Variants in RAB7A observed in about 807,000 individuals in gnomAD.
RAB7A encodes RAB7A, member RAS oncogene family, also known as ras-related protein Rab-7a.
In RAB7A, 2 loss-of-function variants were observed where a neutral mutation model predicts 24.5. The observed-to-expected ratio is 0.08, with a 90% CI of 0.03 to 0.26. The LOEUF (loss-of-function observed/expected upper bound fraction) is 0.26. RAB7A is among the 10% of genes least tolerant of loss of function. RAB7A has a pLI of 1.00. For missense variants in RAB7A, 118 were observed against 255.7 expected, an observed-to-expected ratio of 0.46 and a Z score of 3.67; for synonymous variants, 100 against 95.9, an observed-to-expected ratio of 1.04 and a Z score of -0.25.
chr3:128,813,609 A>G lies in RAB7A; in HGVS notation c.*187A>G, dbSNP rs892107540. 4.1e-5 allele frequency: 25 copies of G among 609,442 alleles called. No homozygotes were observed. Among genetic ancestry groups the G allele is most frequent in the Non-Finnish European group, 7.3e-5 (24 of 327,062 alleles). 37.8% of individuals were successfully genotyped at this position (609,442 alleles called of 1,614,324 possible). On this transcript the variant is annotated 3_prime_UTR_variant, in exon 6 of 6. Coordinates refer to ENST00000265062, the MANE Select transcript of RAB7A (RefSeq NM_004637.6). ...CTCACACACACACACACACGCACAC[A>G]CACACACACAGATCTGACGTAATCA...
intron 1 of RAB7A, among the ~76,000 whole-genome samples, chr3:128,783,333 G>T (rs1280066396): frequency 6.6e-6 from 1 of 151,808 alleles, no homozygotes; most frequent in Non-Finnish European, 1.5e-5. Context: ...AAGGTGTCTG[G>T]GCCCCAGGTG....
At chr3:128,739,913 A>C (rs1368153383) in intron 1 of RAB7A, among the ~76,000 whole-genome samples, 1 of 152,126 alleles carries the variant, frequency 6.6e-6, no homozygotes, top group Admixed American at 6.5e-5. Context: ...CTAAAAATAC[A>C]AAATTAGCCG....
chr3:128,737,321 G>A (rs2070499127), intron 1 of RAB7A, among the ~76,000 whole-genome samples: 1 of 143,974 alleles, frequency 6.9e-6, no homozygotes, highest in Admixed American at 7.0e-5. Flanking sequence ...TTACAGGCGT[G>A]AGCCACCGCT....
chr3:128,763,383 T>C (rs1243303509), intron 1 of RAB7A, among the ~76,000 whole-genome samples: 7 of 150,462 alleles, frequency 4.7e-5, no homozygotes, highest in African/African-American at 1.7e-4. Context: ...CCTGGCTAAT[T>C]TTTTTTTGTA....
intron 1 of RAB7A, among the ~76,000 whole-genome samples, chr3:128,760,480 G>A (rs534929636): frequency 6.6e-6 from 1 of 152,162 alleles, no homozygotes; most frequent in Non-Finnish European, 1.5e-5. Context: ...TATCTTGGAG[G>A]ATTCTTATAT....
At chr3:128,791,761 T>C (rs1274661493) in intron 1 of RAB7A, among the ~76,000 whole-genome samples, 2 of 152,178 alleles carry the variant, frequency 1.3e-5, no homozygotes, top group African/African-American at 4.8e-5. Flanking sequence ...AAAGAGATAC[T>C]TGCACCCCCA....
chr3:128,777,834 A>T (rs1469503960), intron 1 of RAB7A, among the ~76,000 whole-genome samples: 1 of 151,934 alleles, frequency 6.6e-6, no homozygotes, highest in Non-Finnish European at 1.5e-5. Flanking sequence ...CGATTCTCCC[A>T]CTTCATCCTC....
At chr3:128,792,702 C>T (rs946964055) in intron 1 of RAB7A, among the ~76,000 whole-genome samples, 3 of 151,520 alleles carry the variant, frequency 2.0e-5, no homozygotes, top group Non-Finnish European at 4.4e-5. Flanking sequence ...GCCACCACAC[C>T]CAGCCTTTTT....
intron 1 of RAB7A, among the ~76,000 whole-genome samples, chr3:128,742,742 G>C (rs529843733): frequency 6.6e-6 from 1 of 150,398 alleles, no homozygotes; most frequent in African/African-American, 2.5e-5. Context: ...TAGACATAAA[G>C]GTTCTCCAAG....
chr3:128,766,769 A>G (rs2070835506), intron 1 of RAB7A, among the ~76,000 whole-genome samples: 1 of 152,056 alleles, frequency 6.6e-6, no homozygotes, highest in Non-Finnish European at 1.5e-5. Context: ...TGAACTCCTG[A>G]ACTCAAGCAA....
At chr3:128,763,208 ATTTTTTT>A (rs1174944964) in intron 1 of RAB7A, among the ~76,000 whole-genome samples, 169 of 76,064 alleles carry the variant, frequency 2.2e-3, no homozygotes, top group South Asian at 8.3e-3. Flanking sequence ...ATATATATAT[ATTTTTTT>A]TTTTTTTTTT....
chr3:128,765,084 A>G, intron 1 of RAB7A: 1 of 903,482 alleles, frequency 1.1e-6, no homozygotes, highest in Non-Finnish European at 1.8e-6. Context: ...GGGCCTTGGG[A>G]TGGTCCGAGG....
chr3:128,746,654 G>A (rs980972463), intron 1 of RAB7A, among the ~76,000 whole-genome samples: 3 of 151,942 alleles, frequency 2.0e-5, no homozygotes, highest in South Asian at 2.1e-4. Flanking sequence ...TCAGCCTCCC[G>A]AGTAGCTGGG....
At chr3:128,785,424 G>A (rs766819975) in intron 1 of RAB7A, 2 of 152,010 alleles carry the variant, frequency 1.3e-5, no homozygotes, top group Non-Finnish European at 2.9e-5. Context: ...CTCCAACCTG[G>A]ACAACACAGT....
At chr3:128,812,582 G>A (rs756284641) in intron 5 of RAB7A, among the ~76,000 whole-genome samples, 10 of 152,210 alleles carry the variant, frequency 6.6e-5, no homozygotes, top group Admixed American at 1.3e-4. Flanking sequence ...GTGTTTAAGT[G>A]ACATTGTTTT....
At chr3:128,804,139 A>T (rs183835934) in intron 3 of RAB7A, among the ~76,000 whole-genome samples, 1 of 139,368 alleles carries the variant, frequency 7.2e-6, no homozygotes, top group Non-Finnish European at 1.5e-5. Context: ...CAGCATGTGC[A>T]GTTAGACTTC....
intron 1 of RAB7A, chr3:128,765,110 G>T (rs901139466): frequency 2.7e-5 from 20 of 752,916 alleles, no homozygotes; most frequent in African/African-American, 8.6e-5. Context: ...GTGAAGAGGG[G>T]ACAGAGGGCT....
In RAB7A at chr3:128,795,751, C is replaced by CT. The variant is rs71153147; in HGVS notation, c.53+348dup. The stretch of plus-strand genomic sequence containing the variant: ...ATTGGCATCTGGCGTAGCAGATGTG[C>CT]TTTTTTTTTTTTTTTTTGGAGACAG... On this transcript the variant is annotated intron_variant, in intron 2 of 5. Coordinates refer to ENST00000265062, the MANE Select transcript of RAB7A (RefSeq NM_004637.6). Among the ~76,000 whole-genome samples, 105 of 43,040 alleles carry CT rather than the reference C, an allele frequency of 2.4e-3. 27 individuals are homozygous for CT. The highest frequency in any genetic ancestry group is 6.8e-3 in the East Asian group (6 of 878). The allele number at this position is 43,040 out of a possible 152,430, so 28.2% of individuals were successfully genotyped here. A position where few individuals can be genotyped will look rare whatever the true frequency, so the allele number is the denominator to read the frequency against.
intron 1 of RAB7A, among the ~76,000 whole-genome samples, chr3:128,770,204 C>T (rs772579013): frequency 2.6e-5 from 4 of 152,050 alleles, no homozygotes; most frequent in Admixed American, 6.5e-5. Context: ...GTTTTCACCA[C>T]GTTGGCCAGG....
Sources: gnomAD v4.1 joint callset for allele counts (sites outside exome capture counted in the v4.1 genomes callset) on GRCh38, gnomAD v4.1.1 for gene constraint, MANE v1.5 for transcripts, NCBI Gene and HGNC (gene_info 2026-07-23, HGNC 2026-07-21) for gene names.